Variants in PCDH10 observed in about 807,000 individuals in gnomAD.
The protein encoded by PCDH10 is protocadherin 10, also known as protocadherin-10.
A neutral mutation model predicts 74.4 loss-of-function variants in PCDH10; 15 were observed. The ratio of observed to expected loss-of-function variants is 0.20; its 90% CI spans 0.13 to 0.31. The LOEUF (loss-of-function observed/expected upper bound fraction) is 0.31, where lower values mean the gene tolerates loss of function less well. Among genes scored for constraint, PCDH10 ranks in the 10% least tolerant of loss-of-function variants. The pLI is 1.00. For missense variants in PCDH10, 1,260 were observed against 1,390.2 expected (o/e 0.91, Z 1.49); for synonymous variants, 619 against 589.8 (o/e 1.05, Z -0.72).
At chr4:133,166,011 T>G (rs894105270) in intron 4 of PCDH10, among the ~76,000 whole-genome samples, 3 of 151,750 alleles carry the variant, frequency 2.0e-5, no homozygotes, top group African/African-American at 7.2e-5. Flanking sequence ...ATACATGATG[T>G]ATTTAATAAA....
chr4:133,174,877 A>T (rs1031074063), intron 4 of PCDH10, among the ~76,000 whole-genome samples: 1 of 151,578 alleles, frequency 6.6e-6, no homozygotes, highest in African/African-American at 2.4e-5. Flanking sequence ...TCAGGCTTAT[A>T]TTAGAATTAT....
At position 133,191,622 on chromosome 4, in the gene PCDH10, G is replaced by C. The variant is rs545002695; in HGVS notation, c.*1462G>C. 1.3e-5 allele frequency: 2 copies of C among 151,720 alleles called. No homozygotes were observed. Among genetic ancestry groups the C allele is most frequent in the East Asian group, 3.9e-4 (2 of 5,154 alleles). 9.4% of individuals were successfully genotyped at this position (151,720 alleles called of 1,614,324 possible). ...TTTTTTCTACTGTTGTGTATGCCTT[G>C]TTAGAACACATTCGAGAGAGGAAAA... On this transcript the variant is annotated 3_prime_UTR_variant, in exon 5 of 5. Coordinates refer to ENST00000264360, the MANE Select transcript of PCDH10 (RefSeq NM_032961.3).
chr4:133,200,575 A>C (rs1367472774), intron 2 of PCDH10, among the ~76,000 whole-genome samples: 1 of 152,212 alleles, frequency 6.6e-6, no homozygotes, highest in Non-Finnish European at 1.5e-5. Flanking sequence ...ACTATCTTCT[A>C]ACCTTTACTA....
At chr4:133,184,548 G>A (rs1466999496) in intron 4 of PCDH10, among the ~76,000 whole-genome samples, 3 of 151,186 alleles carry the variant, frequency 2.0e-5, no homozygotes, top group Non-Finnish European at 2.9e-5. Flanking sequence ...GCCTGAACCC[G>A]GGAAGCTGAG....
Position 133,190,208 on chromosome 4 carries a change from A to G in PCDH10, c.*48A>G. On this transcript the variant is annotated 3_prime_UTR_variant, in exon 5 of 5. Transcript: ENST00000264360. Reference sequence around the variant, plus strand: ...AAGCAGCATGATTTGCACAAAGTCGACCAACAAAAGCATCAACTTTTCAAC... The same window carrying G: ...AAGCAGCATGATTTGCACAAAGTCGGCCAACAAAAGCATCAACTTTTCAAC... 3 of 1,561,752 alleles carry G rather than the reference A, an allele frequency of 1.9e-6. No individual in the cohort carries two copies. Among genetic ancestry groups the G allele is most frequent in the East Asian group, 2.2e-5 (1 of 44,612 alleles).
intron 4 of PCDH10, among the ~76,000 whole-genome samples, chr4:133,185,592 C>A (rs1727528144): frequency 6.6e-6 from 1 of 152,088 alleles, no homozygotes; most frequent in Non-Finnish European, 1.5e-5. Flanking sequence ...ATTTGTTCAA[C>A]TTCTTGTACG....
At chr4:133,180,776 C>T (rs895581988) in intron 4 of PCDH10, among the ~76,000 whole-genome samples, 3 of 151,778 alleles carry the variant, frequency 2.0e-5, no homozygotes, top group Admixed American at 1.3e-4. Context: ...AAGATGATCT[C>T]TAATTCAAAA....
At chr4:133,169,371 C>T (rs1057080217) in intron 4 of PCDH10, among the ~76,000 whole-genome samples, 5 of 151,688 alleles carry the variant, frequency 3.3e-5, no homozygotes, top group African/African-American at 4.8e-5. Context: ...AAAACATAAT[C>T]GATCAAAGTT....
At chr4:133,182,802 G>C (rs905210543) in intron 4 of PCDH10, among the ~76,000 whole-genome samples, 1 of 151,980 alleles carries the variant, frequency 6.6e-6, no homozygotes, top group Non-Finnish European at 1.5e-5. Flanking sequence ...GCCCAGGTTA[G>C]GGTCATATCC....
At position 133,151,614 on chromosome 4, in the gene PCDH10, G is replaced by A. The variant is rs1560703029; in HGVS notation, c.1474G>A (p.Glu492Lys). ...CGCGGTGAGCGCCACCGACCGGGAT[G>A]AGGGCGCCAACGCCCAGCTTGCCTA... ...IYAVSATDRD[E>K]GANAQLAYSI... The change falls in exon 1 of 5, where the codon GAG becomes AAG. Residue 492 changes from glutamate (E) to lysine (K), a missense_variant. By Grantham distance (56) the Glu-to-Lys change is moderately conservative. Coordinates refer to ENST00000264360, the MANE Select transcript of PCDH10 (RefSeq NM_032961.3). 1.9e-6 allele frequency: 3 copies of A among 1,613,750 alleles called. No homozygotes were observed. Among genetic ancestry groups the A allele is most frequent in the Non-Finnish European group, 8.5e-7 (1 of 1,180,046 alleles).
intron 1 of PCDH10, 164 bp downstream of exon 1, chr4:133,152,935 G>C: frequency 6.9e-7 from 1 of 1,453,340 alleles, no homozygotes; most frequent in Non-Finnish European, 9.1e-7. Flanking sequence ...CCACTCCTTC[G>C]TGTGTAACCT....
chr4:133,154,442 A>G, intron 2 of PCDH10, 77 bp downstream of exon 2: 1 of 765,680 alleles, frequency 1.3e-6, no homozygotes, highest in South Asian at 1.9e-5. Flanking sequence ...ATATTATTCT[A>G]AATTAAAATT....
At position 133,163,277 on chromosome 4, in the gene PCDH10, A is replaced by G. The variant is rs1480110815; in HGVS notation, c.3098A>G (p.Tyr1033Cys). Reference protein sequence around the residue: ...TNTRAPYKPPYLTRKRIC With the variant: ...TNTRAPYKPPCLTRKRIC ...ACGCGAGCGCCTTACAAACCACCAT[A>G]TTTGAGTAAGTATTACACAAAGGGC... Residue 1033 changes from tyrosine (Y) to cysteine (C), a missense_variant, in exon 4 of 5, where the codon TAT (tyrosine) becomes TGT (cysteine). Physicochemically the swap from Tyr to Cys is radical, Grantham distance 194. Coordinates refer to ENST00000264360, the MANE Select transcript of PCDH10 (RefSeq NM_032961.3). 1 of 1,608,896 alleles carries G rather than the reference A, an allele frequency of 6.2e-7. No homozygotes were observed. The highest frequency in any genetic ancestry group is 1.3e-5 in the African/African-American group (1 of 74,622).
chr4:133,153,582 GA>G (rs916584886), intron 1 of PCDH10: 24 of 152,052 alleles, frequency 1.6e-4, no homozygotes, highest in African/African-American at 5.8e-4. Flanking sequence ...TTTTTAAAAG[GA>G]TGGAGAAGTG....
intron 4 of PCDH10, among the ~76,000 whole-genome samples, chr4:133,184,806 ATATT>A (rs1441133630): frequency 3.5e-5 from 5 of 143,036 alleles, no homozygotes; most frequent in South Asian, 2.1e-4. Flanking sequence ...TTATATATAT[ATATT>A]TATATATTTA....
chr4:133,162,870 A>G, intron 3 of PCDH10, 107 bp from the exon 4 acceptor site: 1 of 914,964 alleles, frequency 1.1e-6, no homozygotes, highest in South Asian at 2.0e-5. Context: ...AAAATTTGTT[A>G]AGACAACTTC....
At position 133,151,226 on chromosome 4, in the gene PCDH10, C is replaced by T; in HGVS notation, c.1086C>T (p.Thr362=). Residue 362 remains threonine (T), a synonymous_variant, in exon 1 of 5, where the codon ACC becomes ACT. Transcript: ENST00000264360. The part of the protein sequence containing the change: ...NDNAPEISFS[T]VKEAVSEGAA... ...ACGCGCCAGAGATCAGCTTCAGCAC[C>T]GTGAAGGAAGCGGTGAGTGAGGGCG... 5 of 1,614,148 alleles carry T rather than the reference C, an allele frequency of 3.1e-6. No individual in the cohort carries two copies. Among genetic ancestry groups the T allele is most frequent in the South Asian group, 1.1e-5 (1 of 91,086 alleles).
chr4:133,203,919 A>G lies in PCDH10; in HGVS notation n.438-4157A>G, dbSNP rs572794200. ...GACTGTGAGGCAGGCATGGCAGTGA[A>G]GTACTTTTGCATGCTGGTAAACAGC... On this transcript the variant is annotated intron_variant and non_coding_transcript_variant, in intron 2 of 2. Transcript: ENST00000511112. Among the ~76,000 whole-genome samples the G allele has an allele frequency of 6.6e-5, 10 of 152,292 alleles. No individual in the cohort carries two copies. In the East Asian group the frequency reaches 1.9e-3, roughly 29 times the overall value.
At chr4:133,175,043 A>G (rs996363005) in intron 4 of PCDH10, among the ~76,000 whole-genome samples, 1 of 151,848 alleles carries the variant, frequency 6.6e-6, no homozygotes, top group African/African-American at 2.4e-5. Context: ...TGTTTTCATA[A>G]TGCTTATAAA....
Sources: gnomAD v4.1 joint callset for allele counts (sites outside exome capture counted in the v4.1 genomes callset) on GRCh38, gnomAD v4.1.1 for gene constraint, MANE v1.5 for transcripts, NCBI Gene and HGNC (gene_info 2026-07-23, HGNC 2026-07-21) for gene names.